The following DENND4C variants were observed in gnomAD, a reference collection of about 807,000 sequenced individuals.
DENND4C encodes DENN domain containing 4C, also known as DENN domain-containing protein 4C.
A neutral mutation model predicts 203.0 loss-of-function variants in DENND4C; 108 were observed. The ratio of observed to expected loss-of-function variants is 0.53; its 90% CI spans 0.46 to 0.62. The LOEUF is 0.62. Among genes scored for constraint, DENND4C ranks in the 20% least tolerant of loss-of-function variants. The probability of loss-of-function intolerance (pLI) is 0.00; values close to 1 mark genes in which losing one functional copy is unlikely to be tolerated. For synonymous variants in DENND4C, 871 were observed against 792.4 expected (o/e 1.10, Z -1.67); for missense variants, 2,481 against 2,301.2 (o/e 1.08, Z -1.60).
chr9:19,296,372 T>TC (rs1837462875), intron 6 of DENND4C, 126 bp downstream of exon 6: 1 of 716,690 alleles, frequency 1.4e-6, no homozygotes, highest in East Asian at 2.6e-5. Flanking sequence ...AACTTTTTTT[T>TC]TTTTTTTTTT....
chr9:19,245,064 G>A (rs1189484676), intron 1 of DENND4C, among the ~76,000 whole-genome samples: 1 of 152,188 alleles, frequency 6.6e-6, no homozygotes, highest in Non-Finnish European at 1.5e-5. Flanking sequence ...TCACACCCTA[G>A]ACTAGTAGTT....
intron 26 of DENND4C, 142 bp downstream of exon 26, chr9:19,352,807 G>C (rs1824450432): frequency 1.8e-6 from 1 of 546,488 alleles, no homozygotes; most frequent in East Asian, 3.1e-5. Context: ...GCAAATACTA[G>C]TAATGTGGGA....
intron 5 of DENND4C, among the ~76,000 whole-genome samples, chr9:19,295,460 G>A (rs10114931): frequency 0.48 from 71,989 of 151,180 alleles, 17,922 homozygotes; most frequent in South Asian, 0.56. Flanking sequence ...AGCCGAGATC[G>A]TGCCACTGTA....
chr9:19,356,283 T>C (rs1825382202), intron 26 of DENND4C, among the ~76,000 whole-genome samples: 1 of 152,182 alleles, frequency 6.6e-6, no homozygotes, highest in South Asian at 2.1e-4. Flanking sequence ...CAGTATTTAT[T>C]GACAATTTTT....
At chr9:19,254,053 G>A (rs988514950) in intron 1 of DENND4C, among the ~76,000 whole-genome samples, 1 of 152,094 alleles carries the variant, frequency 6.6e-6, no homozygotes, top group Non-Finnish European at 1.5e-5. Context: ...TTTACAAGTC[G>A]TTTTATTTTT....
intron 1 of DENND4C, among the ~76,000 whole-genome samples, chr9:19,270,440 T>C (rs1015482645): frequency 6.6e-6 from 1 of 152,210 alleles, no homozygotes; most frequent in African/African-American, 2.4e-5. Context: ...AGGAATCTAC[T>C]TGGTGCTTTA....
In DENND4C at chr9:19,246,107, TAA is replaced by T. The variant is rs985820691; in HGVS notation, c.-18+15278_-18+15279del. Among the ~76,000 whole-genome samples the T allele has an allele frequency of 1.5e-4, 22 of 151,024 alleles. 2 individuals are homozygous for T. The highest frequency in any genetic ancestry group is 4.6e-4 in the Admixed American group (7 of 15,228). On this transcript the variant is annotated intron_variant, in intron 1 of 32. Transcript: ENST00000434457. ...TATCCAATTATATTGATTCATTTAA[TAA>T]AAATTTCAGTAAGTATTAGTGTTCT... is the stretch of plus-strand genomic sequence containing the variant.
At chr9:19,350,412 G>A (rs1026447701) in intron 23 of DENND4C, among the ~76,000 whole-genome samples, 1 of 152,124 alleles carries the variant, frequency 6.6e-6, no homozygotes, top group African/African-American at 2.4e-5. Flanking sequence ...GAGACAGTGG[G>A]CTCCCTAGAA....
chr9:19,350,309 C>T (rs1410603659), intron 23 of DENND4C, among the ~76,000 whole-genome samples: 2 of 152,204 alleles, frequency 1.3e-5, no homozygotes, highest in African/African-American at 4.8e-5. Flanking sequence ...TGTAAGTTTA[C>T]ATATCTAATA....
At chr9:19,307,670 T>C (rs1242358482) in intron 10 of DENND4C, among the ~76,000 whole-genome samples, 1 of 149,668 alleles carries the variant, frequency 6.7e-6, no homozygotes, top group South Asian at 2.1e-4. Flanking sequence ...CTCGGGAGTC[T>C]GAGGCAAGAG....
rs1180503179 is a variant in DENND4C, at chr9:19,276,529, AG to A, written c.305+53del. On this transcript the variant is annotated intron_variant, in intron 2 of 32. Transcript: ENST00000434457. ...ATAGTGAAGGAGTAAAATTTATTTA[AG>A]GGCCATGGAAGTAGGAATTTGAAAT... 2.0e-4 allele frequency: 220 copies of A among 1,087,188 alleles called. 1 individual carries two copies. The African/African-American group carries it at 3.3e-3, about 16-fold the overall frequency. The allele number at this position is 1,087,188 out of a possible 1,614,324, so 67.3% of individuals were successfully genotyped here. A position where few individuals can be genotyped will look rare whatever the true frequency, so the allele number is the denominator to read the frequency against.
chr9:19,273,450 A>G (rs1832193440), intron 1 of DENND4C, among the ~76,000 whole-genome samples: 1 of 152,016 alleles, frequency 6.6e-6, no homozygotes, highest in South Asian at 2.1e-4. Context: ...ATTGGAGTTC[A>G]TCAAAAACCT....
intron 20 of DENND4C, chr9:19,337,608 TATATGACGTG>T: frequency 7.8e-7 from 1 of 1,282,416 alleles, no homozygotes; most frequent in African/African-American, 1.5e-5. Context: ...CAGACAGACT[TATATGACGTG>T]AAGCTATGGA....
intron 4 of DENND4C, among the ~76,000 whole-genome samples, 188 bp from the exon 5 acceptor site, chr9:19,290,516 T>G (rs1836073899): frequency 6.6e-6 from 1 of 152,226 alleles, no homozygotes; most frequent in Admixed American, 6.5e-5. Context: ...GAACTGTAAA[T>G]TCATGGGTAA....
intron 17 of DENND4C, among the ~76,000 whole-genome samples, chr9:19,334,350 C>T (rs192703765): frequency 3.3e-5 from 5 of 152,120 alleles, no homozygotes; most frequent in African/African-American, 9.6e-5. Context: ...TGCTCCCGGC[C>T]TCTATCCTTG....
In DENND4C at chr9:19,346,847, A is replaced by G. The variant is rs1466207624; in HGVS notation, c.4078A>G (p.Lys1360Glu). 1 of 1,614,082 alleles carries G rather than the reference A, an allele frequency of 6.2e-7. No homozygotes were observed. Among genetic ancestry groups the G allele is most frequent in the East Asian group, 2.2e-5 (1 of 44,886 alleles). The part of the protein sequence containing the change: ...SRSKTFTGRF[K>E]QQTPSRTHKE... Reference sequence around the variant, plus strand: ...GTCTAAAACTTTTACTGGGCGTTTCAAGCAGCAAACCCCCTCTCGAACTCA... The same window carrying G: ...GTCTAAAACTTTTACTGGGCGTTTCGAGCAGCAAACCCCCTCTCGAACTCA... Residue 1360 changes from lysine to glutamate, a missense_variant, in exon 23 of 33, where the codon AAG becomes GAG. Lys to Glu is a moderately conservative substitution (Grantham distance 56). This residue lies in a region of DENND4C where 2,289 missense variants were observed against 2,113.3 expected (regional missense o/e 1.08). Coordinates refer to ENST00000434457, the MANE Select transcript of DENND4C (RefSeq NM_001330640.2).
At chr9:19,256,674 T>C (rs1828052246) in intron 1 of DENND4C, among the ~76,000 whole-genome samples, 1 of 152,150 alleles carries the variant, frequency 6.6e-6, no homozygotes, top group Non-Finnish European at 1.5e-5. Context: ...GTCTTTTTTA[T>C]GTTATTTTTT....
In DENND4C at chr9:19,316,655, C is replaced by G; in HGVS notation, c.1623C>G (p.Asp541Glu). Residue 541 changes from aspartate (D) to glutamate (E), a missense_variant, in exon 12 of 33, where the codon GAC becomes GAG. Transcript: ENST00000434457. Reference protein sequence around the residue: ...HQKTQEGSAIDMTPIEADFSW... With the variant: ...HQKTQEGSAIEMTPIEADFSW... ...AAACTCAAGAAGGCTCAGCGATTGA[C>G]ATGACTCCAATTGAAGCAGATTTCT... The G allele has an allele frequency of 6.2e-7, 1 of 1,614,090 alleles. No individual in the cohort carries two copies. The highest frequency in any genetic ancestry group is 8.5e-7 in the Non-Finnish European group (1 of 1,179,998).
At chr9:19,277,605 T>C (rs900221034) in intron 2 of DENND4C, among the ~76,000 whole-genome samples, 1 of 152,066 alleles carries the variant, frequency 6.6e-6, no homozygotes, top group African/African-American at 2.4e-5. Context: ...CATCTGCAAA[T>C]AGAAATAGTT....
Sources: allele counts gnomAD v4.1 joint callset (sites outside exome capture counted in the v4.1 genomes callset), GRCh38; gene constraint gnomAD v4.1.1; regional missense constraint gnomAD v4.1.1; transcripts MANE v1.5; gene names NCBI Gene and HGNC (gene_info 2026-07-23, HGNC 2026-07-21).